Variants in TRAPPC9 observed in about 807,000 individuals in gnomAD.
TRAPPC9 encodes the protein IKK2 binding protein.
Under a neutral mutation model 124.0 loss-of-function variants are expected in TRAPPC9, and 83 were observed. That is an observed-to-expected ratio of 0.67 (90% CI 0.56 to 0.80). The LOEUF (loss-of-function observed/expected upper bound fraction) is 0.80. TRAPPC9 is among the 30% of genes least tolerant of loss of function. TRAPPC9 has a pLI of 0.00. For synonymous variants in TRAPPC9, 638 were observed against 617.5 expected (o/e 1.03, Z -0.49); for missense variants, 1,302 against 1,508.3 (o/e 0.86, Z 2.27).
At chr8:139,926,618 A>AAC (rs1392046888) in intron 19 of TRAPPC9, among the ~76,000 whole-genome samples, 1 of 151,614 alleles carries the variant, frequency 6.6e-6, no homozygotes, top group African/African-American at 2.4e-5. Context: ...AAAAAAAAAA[A>AAC]AAAAACTCCT....
intron 13 of TRAPPC9, among the ~76,000 whole-genome samples, chr8:140,285,167 C>G (rs193041425): frequency 6.6e-6 from 1 of 152,326 alleles, no homozygotes; most frequent in East Asian, 1.9e-4. Context: ...AAAATGAACA[C>G]TCACTAGTCT....
At chr8:140,051,329 C>A (rs1045574386) in intron 17 of TRAPPC9, among the ~76,000 whole-genome samples, 1 of 152,204 alleles carries the variant, frequency 6.6e-6, no homozygotes, top group African/African-American at 2.4e-5. Context: ...GATCTGAACC[C>A]CGGGGGTTCC....
At chr8:140,304,474 A>G (rs1402818803) in intron 10 of TRAPPC9, among the ~76,000 whole-genome samples, 1 of 151,968 alleles carries the variant, frequency 6.6e-6, no homozygotes, top group Non-Finnish European at 1.5e-5. Context: ...ATATATGAAG[A>G]CAGTCCCGGA....
intron 17 of TRAPPC9, among the ~76,000 whole-genome samples, chr8:140,069,295 A>C (rs1235912394): frequency 6.6e-6 from 1 of 152,170 alleles, no homozygotes; most frequent in Non-Finnish European, 1.5e-5. Flanking sequence ...GCCCACTGTC[A>C]ACCTTCCCTG....
At chr8:139,906,987 T>C (rs532981332) in intron 20 of TRAPPC9, among the ~76,000 whole-genome samples, 61 of 151,186 alleles carry the variant, frequency 4.0e-4, no homozygotes, top group African/African-American at 1.4e-3. Context: ...GGGAATGGGC[T>C]GAGATCTCCA....
intron 20 of TRAPPC9, among the ~76,000 whole-genome samples, chr8:139,892,029 G>A (rs1028060023): frequency 2.0e-5 from 3 of 152,080 alleles, no homozygotes; most frequent in South Asian, 2.1e-4. Flanking sequence ...ACCAGGCCCC[G>A]AATGTCATGT....
intron 20 of TRAPPC9, among the ~76,000 whole-genome samples, chr8:139,887,953 G>A (rs1242088073): frequency 2.0e-5 from 3 of 152,288 alleles, no homozygotes; most frequent in Non-Finnish European, 2.9e-5. Context: ...CCCTCCACAC[G>A]CAGCACAGTG....
intron 17 of TRAPPC9, among the ~76,000 whole-genome samples, chr8:140,101,777 G>C (rs1363485235): frequency 6.6e-6 from 1 of 151,666 alleles, no homozygotes; most frequent in East Asian, 1.9e-4. Context: ...TCCTGACCTC[G>C]GGTGATCCAC....
chr8:140,305,628 G>A (rs148327323), intron 10 of TRAPPC9, among the ~76,000 whole-genome samples: 1 of 152,178 alleles, frequency 6.6e-6, no homozygotes, highest in East Asian at 1.9e-4. Flanking sequence ...TAACTAAATA[G>A]CTACATATAT....
chr8:140,246,421 G>A (rs1488810295), intron 16 of TRAPPC9, among the ~76,000 whole-genome samples: 1 of 152,194 alleles, frequency 6.6e-6, no homozygotes, highest in Non-Finnish European at 1.5e-5. Context: ...ACTGTACAAG[G>A]CTAGGAGATT....
At chr8:140,222,664 G>A (rs781263557) in intron 16 of TRAPPC9, among the ~76,000 whole-genome samples, 11 of 152,214 alleles carry the variant, frequency 7.2e-5, no homozygotes, top group Admixed American at 2.0e-4. Flanking sequence ...AAGACCTGGC[G>A]GAATGAATGA....
At chr8:139,885,127 T>G (rs921589484) in intron 21 of TRAPPC9, among the ~76,000 whole-genome samples, 1 of 152,246 alleles carries the variant, frequency 6.6e-6, no homozygotes, top group Non-Finnish European at 1.5e-5. Context: ...TGCTTGCAAC[T>G]GACTGTCTGC....
chr8:139,852,768 G>A (rs1586989194), intron 21 of TRAPPC9, among the ~76,000 whole-genome samples: 1 of 152,336 alleles, frequency 6.6e-6, no homozygotes, highest in African/African-American at 2.4e-5. Flanking sequence ...GGCTGGCTGG[G>A]AGCTCTGGTT....
At chr8:139,743,924 G>A (rs966775703) in intron 21 of TRAPPC9, among the ~76,000 whole-genome samples, 1 of 152,208 alleles carries the variant, frequency 6.6e-6, no homozygotes, top group East Asian at 1.9e-4. Flanking sequence ...CACTTTGGCT[G>A]TTAGGAAGCT....
intron 19 of TRAPPC9, among the ~76,000 whole-genome samples, chr8:139,959,925 C>T (rs1835262101): frequency 6.6e-6 from 1 of 152,202 alleles, no homozygotes; most frequent in African/African-American, 2.4e-5. Context: ...AGTTAGGTCA[C>T]AACCCAAGAC....
At chr8:140,026,325 C>T (rs1461860072) in intron 17 of TRAPPC9, among the ~76,000 whole-genome samples, 1 of 152,178 alleles carries the variant, frequency 6.6e-6, no homozygotes, top group African/African-American at 2.4e-5. Flanking sequence ...CGAGACCCTG[C>T]TTTCGGTTCT....
At chr8:140,154,453 G>A (rs141645445) in intron 17 of TRAPPC9, among the ~76,000 whole-genome samples, 86 of 152,226 alleles carry the variant, frequency 5.6e-4, no homozygotes, top group African/African-American at 1.9e-3. Context: ...CTCCTCAAGC[G>A]CAGTCCTGAA....
At position 140,257,747 on chromosome 8, in the gene TRAPPC9, C is replaced by T. The variant is rs1563888820; in HGVS notation, c.2279-4818G>A. ...TTAATACCCAGGTCCAGGGTATCTA[C>T]TCAGATATGCAACCATCCCAGCCCT... is the stretch of plus-strand genomic sequence containing the variant. On this transcript the variant is annotated intron_variant, in intron 15 of 22. Coordinates refer to ENST00000438773, the MANE Select transcript of TRAPPC9 (RefSeq NM_001160372.4). The surrounding 1 kb of genome is among the most constrained non-coding windows in gnomAD (Gnocchi z 4.6). Among the ~76,000 whole-genome samples the T allele has an allele frequency of 6.6e-6, 1 of 152,196 alleles. No individual in the cohort carries two copies. Among genetic ancestry groups the T allele is most frequent in the South Asian group, 2.1e-4 (1 of 4,830 alleles).
intron 19 of TRAPPC9, among the ~76,000 whole-genome samples, chr8:139,985,131 T>C (rs1272849043): frequency 1.3e-5 from 2 of 152,108 alleles, no homozygotes; most frequent in African/African-American, 4.8e-5. Context: ...CATTCAGAAA[T>C]GAGAATTTAA....
Sources: allele counts gnomAD v4.1 joint callset (sites outside exome capture counted in the v4.1 genomes callset), GRCh38; gene constraint gnomAD v4.1.1; non-coding constraint Gnocchi (gnomAD v3.1); transcripts MANE v1.5; gene names NCBI Gene and HGNC (gene_info 2026-07-23, HGNC 2026-07-21).